The following SLIT1 variants were observed in gnomAD, a reference collection of about 807,000 sequenced individuals.
The protein encoded by SLIT1 is slit homolog 1 protein.
A neutral mutation model predicts 186.1 loss-of-function variants in SLIT1; 66 were observed. The observed-to-expected ratio is 0.35, with a 90% CI of 0.29 to 0.44. SLIT1 has a LOEUF of 0.44. Ranked by LOEUF, SLIT1 falls within the 20% of genes least tolerant of loss-of-function variation. SLIT1 has a pLI of 1.00. For synonymous variants in SLIT1, 761 were observed against 833.8 expected, an observed-to-expected ratio of 0.91 and a Z score of 1.50; for missense variants, 1,638 against 2,037.4, an observed-to-expected ratio of 0.80 and a Z score of 3.77.
At chr10:97,181,274 C>G (rs1589425376) in intron 1 of SLIT1, among the ~76,000 whole-genome samples, 1 of 152,244 alleles carries the variant, frequency 6.6e-6, no homozygotes, top group East Asian at 1.9e-4. Flanking sequence ...GTGGCCTGCT[C>G]AGATCCAATC....
In SLIT1 at chr10:97,018,688, G is replaced by T. The variant is rs995274060; in HGVS notation, c.2872-5C>A. On this transcript the variant is annotated splice_region_variant and splice_polypyrimidine_tract_variant and intron_variant, in intron 27 of 36. Coordinates refer to ENST00000266058, the MANE Select transcript of SLIT1 (RefSeq NM_003061.3). ...GGACACCTCACAGTCTCGACCCTGG[G>T]GGGAAAGTCAGTGATGGGGACCCCA... The T allele has an allele frequency of 6.4e-7, 1 of 1,570,500 alleles. No individual in the cohort carries two copies. Among genetic ancestry groups the T allele is most frequent in the East Asian group, 2.3e-5 (1 of 42,572 alleles).
At chr10:97,159,175 AACTT>A (rs1419935355) in intron 3 of SLIT1, among the ~76,000 whole-genome samples, 1 of 152,146 alleles carries the variant, frequency 6.6e-6, no homozygotes, top group Non-Finnish European at 1.5e-5. Context: ...GAAGGGGAAA[AACTT>A]AATTCCATGT....
chr10:97,087,159 A>C (rs1849169632), intron 4 of SLIT1, among the ~76,000 whole-genome samples: 2 of 151,318 alleles, frequency 1.3e-5, no homozygotes, highest in Non-Finnish European at 2.9e-5. Context: ...TAAGTGTATG[A>C]AGCCCCCTGC....
At chr10:97,079,221 G>A (rs1019162571) in intron 4 of SLIT1, among the ~76,000 whole-genome samples, 8 of 152,130 alleles carry the variant, frequency 5.3e-5, no homozygotes, top group African/African-American at 1.9e-4. Context: ...CTCAAAATAG[G>A]CAAAACTAAT....
chr10:97,101,304 C>T (rs1849350887), intron 4 of SLIT1: 1 of 152,222 alleles, frequency 6.6e-6, no homozygotes, highest in Admixed American at 6.5e-5. Context: ...AACACTGCTG[C>T]ACTCACGCCC....
At chr10:97,082,579 C>T (rs1446235549) in intron 4 of SLIT1, among the ~76,000 whole-genome samples, 12 of 152,026 alleles carry the variant, frequency 7.9e-5, no homozygotes, top group East Asian at 1.9e-4. Context: ...GGACTACAGG[C>T]GCCCGCCACC....
chr10:97,042,905 C>T lies in SLIT1; in HGVS notation c.2160G>A (p.Glu720=), dbSNP rs752741999. The change falls in exon 20 of 37, where the codon GAG becomes GAA. Residue 720 remains glutamate, a synonymous_variant. Transcript: ENST00000266058. ...CACCGGGGGGCCACGAGTTACCTTC[C>T]TCACACCTGAAGTCAGGGAAGGCCA... ...QDVAFPDFRC[E]EGQEEGGCLP... 5 of 1,613,892 alleles carry T rather than the reference C, an allele frequency of 3.1e-6. No homozygotes were observed. Among genetic ancestry groups the T allele is most frequent in the Non-Finnish European group, 4.2e-6 (5 of 1,179,846 alleles).
chr10:97,181,508 T>C (rs370479826), intron 1 of SLIT1, among the ~76,000 whole-genome samples: 9 of 152,042 alleles, frequency 5.9e-5, no homozygotes, highest in African/African-American at 2.2e-4. Context: ...GGCATGGAGA[T>C]AGGGCAGGGT....
Position 97,006,692 on chromosome 10 carries a change from G to A in SLIT1, c.3370C>T (p.Leu1124=). 1 of 1,613,974 alleles carries A rather than the reference G, an allele frequency of 6.2e-7. No individual in the cohort carries two copies. The highest frequency in any genetic ancestry group is 8.5e-7 in the Non-Finnish European group (1 of 1,179,906). Residue 1124 remains leucine (L), a synonymous_variant, in exon 32 of 37, where the codon CTG becomes TTG. Transcript: ENST00000266058. This position sits in a 1 kb window ranked among gnomAD's most constrained non-coding sequence, Gnocchi z 4.0. ...TCACAGGGGCTCTTGGGGGCAGGCAGATGGGGAGGGATCTCACAGAGCTGT... is the reference window on the plus strand; with the variant it reads ...TCACAGGGGCTCTTGGGGGCAGGCAAATGGGGAGGGATCTCACAGAGCTGT... ...SGQLCEIPPH[L]PAPKSPCEGT...
At chr10:97,173,105 T>C (rs1026803351) in intron 1 of SLIT1, among the ~76,000 whole-genome samples, 1 of 152,144 alleles carries the variant, frequency 6.6e-6, no homozygotes, top group Non-Finnish European at 1.5e-5. Context: ...GAGCCCAATA[T>C]GAGCAAGGAA....
intron 4 of SLIT1, among the ~76,000 whole-genome samples, chr10:97,147,483 G>A (rs899059292): frequency 6.6e-6 from 1 of 152,278 alleles, no homozygotes; most frequent in African/African-American, 2.4e-5. Context: ...AGAGGGCACT[G>A]GGGAGGCAAC....
intron 1 of SLIT1, among the ~76,000 whole-genome samples, chr10:97,180,987 A>G (rs1034970061): frequency 6.6e-6 from 1 of 152,164 alleles, no homozygotes; most frequent in Non-Finnish European, 1.5e-5. Context: ...AGGCCGAGAG[A>G]AGGGCGAACA....
In SLIT1 at chr10:97,010,960, G is replaced by C. The variant is rs1245049067; in HGVS notation, c.3341+33C>G. ...CAGCCCAGGGGCTGACAGCCACAAG[G>C]AGTCACTCCTAGTGTGTCCAGGGGC... On this transcript the variant is annotated intron_variant, in intron 31 of 36. Transcript: ENST00000266058. The surrounding 1 kb of genome is among the most constrained non-coding windows in gnomAD (Gnocchi z 4.8). 3.7e-6 allele frequency: 6 copies of C among 1,604,620 alleles called. No homozygotes were observed. Among genetic ancestry groups the C allele is most frequent in the East Asian group, 2.2e-5 (1 of 44,586 alleles).
At chr10:97,013,896 C>G (rs1296781700) in intron 29 of SLIT1, 62 bp from the exon 30 acceptor site, 2 of 1,540,478 alleles carry the variant, frequency 1.3e-6, no homozygotes, top group African/African-American at 1.4e-5. Context: ...GCCGGGCAGC[C>G]AGACCCACAG....
intron 25 of SLIT1, among the ~76,000 whole-genome samples, chr10:97,023,458 G>A (rs535840267): frequency 1.9e-4 from 29 of 152,080 alleles, no homozygotes; most frequent in South Asian, 1.2e-3. Flanking sequence ...CTAATAGCCC[G>A]CCCCCAACTG....
At chr10:97,171,640 C>T (rs1311296802) in intron 1 of SLIT1, among the ~76,000 whole-genome samples, 10 of 152,044 alleles carry the variant, frequency 6.6e-5, no homozygotes, top group South Asian at 6.2e-4. Flanking sequence ...GCCAACATGG[C>T]GAAACCTGTC....
At position 97,166,558 on chromosome 10, in the gene SLIT1, A is replaced by G. The variant is rs371402684; in HGVS notation, c.198-1668T>C. On this transcript the variant is annotated intron_variant, in intron 1 of 36. Coordinates refer to ENST00000266058, the MANE Select transcript of SLIT1 (RefSeq NM_003061.3). Reference sequence around the variant, plus strand: ...AGGAAGGAAGGAAGGAAGGAAGGAAAGAGAGAGAGAGAGAAAGAAAGAAAG... The same window carrying G: ...AGGAAGGAAGGAAGGAAGGAAGGAAGGAGAGAGAGAGAGAAAGAAAGAAAG... 5.1e-3 allele frequency among the ~76,000 whole-genome samples: 140 copies of G among 27,432 alleles called. 5 individuals carry two copies. Among genetic ancestry groups the G allele is most frequent in the East Asian group, 0.023 (13 of 576 alleles). The allele number at this position is 27,432 out of a possible 152,430, so 18.0% of individuals were successfully genotyped here. A position where few individuals can be genotyped will look rare whatever the true frequency, so the allele number is the denominator to read the frequency against.
intron 27 of SLIT1, 41 bp from the exon 28 acceptor site, chr10:97,018,724 G>A: frequency 1.5e-6 from 2 of 1,376,784 alleles, no homozygotes; most frequent in Non-Finnish European, 2.0e-6. Flanking sequence ...GGGAGACCCA[G>A]GAGTTAGTAT....
intron 4 of SLIT1, among the ~76,000 whole-genome samples, chr10:97,094,165 C>T (rs1432904233): frequency 1.3e-5 from 2 of 152,234 alleles, no homozygotes; most frequent in Non-Finnish European, 2.9e-5. Flanking sequence ...GGCCAAAAAG[C>T]ATGTTGACCT....
Sources: allele counts gnomAD v4.1 joint callset (sites outside exome capture counted in the v4.1 genomes callset), GRCh38; gene constraint gnomAD v4.1.1; non-coding constraint Gnocchi (gnomAD v3.1); transcripts MANE v1.5; gene names NCBI Gene and HGNC (gene_info 2026-07-23, HGNC 2026-07-21).